Variants in POLR1C observed in about 807,000 individuals in gnomAD.
POLR1C encodes the protein DNA-directed RNA polymerases I and III subunit RPAC1.
A neutral mutation model predicts 38.3 loss-of-function variants in POLR1C; 42 were observed. The observed-to-expected ratio is 1.10, with a 90% confidence interval of 0.86 to 1.42. The LOEUF (loss-of-function observed/expected upper bound fraction) is 1.42, where lower values mean the gene tolerates loss of function less well. Among genes scored for constraint, POLR1C ranks in the 40% most tolerant of loss-of-function variants. POLR1C has a pLI of 0.00. For synonymous variants in POLR1C, 163 were observed against 163.9 expected (o/e 0.99, Z 0.04); for missense variants, 507 against 450.5 (o/e 1.13, Z -1.14).
At chr6:43,548,123 C>T in intron 9 of POLR1C, 1 of 906,120 alleles carries the variant, frequency 1.1e-6, no homozygotes, top group Admixed American at 2.9e-5. Context: ...CAAAAGACTG[C>T]TTTTAGAGAA....
intron 5 of POLR1C, 34 bp downstream of exon 5, chr6:43,520,219 C>T: frequency 1.9e-6 from 3 of 1,614,048 alleles, no homozygotes; most frequent in Non-Finnish European, 2.5e-6. Context: ...GAGGCCCCAC[C>T]TGTGGGTAGC....
At chr6:43,518,258 A>G (rs1209922415) in intron 2 of POLR1C, among the ~76,000 whole-genome samples, 1 of 152,244 alleles carries the variant, frequency 6.6e-6, no homozygotes, top group Non-Finnish European at 1.5e-5. Context: ...GGTTGAAGAC[A>G]TGAACTAAGA....
intron 9 of POLR1C, among the ~76,000 whole-genome samples, chr6:43,548,960 A>C (rs775877579): frequency 3.9e-5 from 6 of 152,186 alleles, no homozygotes; most frequent in Non-Finnish European, 1.5e-5. Context: ...TAAACTTAGT[A>C]ATCTATATGG....
At position 43,520,092 on chromosome 6, in the gene POLR1C, A is replaced by G. The variant is rs545889680; in HGVS notation, c.409A>G (p.Thr137Ala). Residue 137 changes from threonine (T) to alanine (A), a missense_variant, in exon 5 of 9, where the codon ACT becomes GCT. By Grantham distance (58) the Thr-to-Ala change is moderately conservative. Coordinates refer to ENST00000642195, the MANE Select transcript of POLR1C (RefSeq NM_203290.4). ...QGDEEGTEIDTLQFRLQVRCT... is the reference protein window; with the variant it reads ...QGDEEGTEIDALQFRLQVRCT... ...AGATGAAGAAGGCACAGAGATAGAT[A>G]CTCTACAGTTTCGTCTCCAGGTCAG... The G allele has an allele frequency of 1.9e-5, 31 of 1,613,966 alleles. No homozygotes were observed. The highest frequency in any genetic ancestry group is 2.3e-5 in the Non-Finnish European group (27 of 1,180,024).
At chr6:43,560,327 C>T (rs779165461) in intron 10 of POLR1C, 8 of 1,574,750 alleles carry the variant, frequency 5.1e-6, no homozygotes, top group South Asian at 2.4e-5. Context: ...AAAAAGAAAA[C>T]GTCAAAGGAT....
intron 10 of POLR1C, among the ~76,000 whole-genome samples, chr6:43,557,513 G>A (rs1483958939): frequency 6.6e-6 from 1 of 152,074 alleles, no homozygotes; most frequent in Non-Finnish European, 1.5e-5. Context: ...AGTCACAATA[G>A]ACCATGTATG....
At position 43,519,447 on chromosome 6, in the gene POLR1C, G is replaced by C; in HGVS notation, c.249+7G>C. 1.3e-6 allele frequency: 2 copies of C among 1,597,190 alleles called. No homozygotes were observed. Among genetic ancestry groups the C allele is most frequent in the Non-Finnish European group, 1.7e-6 (2 of 1,164,564 alleles). ...ACGAATTCTGCTAGCTGAGGTATTGGCAGGCATGGTGACAAGGCTGGAGTT... is the reference window on the plus strand; with the variant it reads ...ACGAATTCTGCTAGCTGAGGTATTGCCAGGCATGGTGACAAGGCTGGAGTT... On this transcript the variant is annotated splice_region_variant and intron_variant, in intron 3 of 8. Transcript: ENST00000642195.
intron 10 of POLR1C, chr6:43,555,941 C>T: frequency 6.2e-7 from 1 of 1,613,926 alleles, no homozygotes; most frequent in Non-Finnish European, 8.5e-7. Context: ...AACCTCATCA[C>T]CTCTCCTTGT....
chr6:43,528,036 G>C (rs761624776), intron 8 of POLR1C: 2 of 1,029,834 alleles, frequency 1.9e-6, no homozygotes, highest in Non-Finnish European at 2.9e-6. Context: ...CACCTAGGCT[G>C]AGAATGACTA....
At position 43,521,453 on chromosome 6, in the gene POLR1C, A is replaced by C; in HGVS notation, c.*153A>C. The C allele has an allele frequency of 5.3e-6, 8 of 1,503,624 alleles. No individual in the cohort carries two copies. The highest frequency in any genetic ancestry group is 7.1e-6 in the Non-Finnish European group (8 of 1,127,544). The allele number at this position is 1,503,624 out of a possible 1,614,324, so 93.1% of individuals were successfully genotyped here. Reference sequence around the variant, plus strand: ...TACATTTTGTTAAATGTGCCATAAAATGAGACTTTTTACGCCTTTATAAGG... The same window carrying C: ...TACATTTTGTTAAATGTGCCATAAACTGAGACTTTTTACGCCTTTATAAGG... On this transcript the variant is annotated 3_prime_UTR_variant, in exon 9 of 9. Transcript: ENST00000642195.
In POLR1C at chr6:43,562,236, C is replaced by G. The variant is rs757412553; in HGVS notation, c.*885C>G. 1.9e-6 allele frequency: 3 copies of G among 1,596,966 alleles called. No individual in the cohort carries two copies. The South Asian group carries it at 3.4e-5, about 18-fold the overall frequency. The stretch of plus-strand genomic sequence containing the variant: ...GGCTTGAAGCTCTCCAGAAAGCAAA[C>G]ACTAGCTCACCAGCAATGCACACAG... On this transcript the variant is annotated 3_prime_UTR_variant, in exon 11 of 11. Transcript: ENST00000607635.
exon 11 of POLR1C, chr6:43,562,384 A>G (rs750347255): frequency 1.4e-6 from 2 of 1,444,418 alleles, no homozygotes; most frequent in East Asian, 4.8e-5. Flanking sequence ...CAACAAAATT[A>G]AAAAGGCTGT....
intron 10 of POLR1C, chr6:43,553,737 T>A (rs1761853984): frequency 1.3e-6 from 1 of 774,596 alleles, no homozygotes; most frequent in Admixed American, 3.9e-5. Context: ...CCTCTAACAA[T>A]GAGCGGTCTG....
At chr6:43,524,399 C>CTGGTTTA, downstream of POLR1C, 5 of 1,515,902 alleles carry the variant, frequency 3.3e-6, no homozygotes, top group Non-Finnish European at 4.4e-6. Flanking sequence ...ATAACTACAG[C>CTGGTTTA]TGGTTTATGG....
chr6:43,538,189 G>A (rs1218341173), intron 9 of POLR1C, among the ~76,000 whole-genome samples: 4 of 110,976 alleles, frequency 3.6e-5, no homozygotes, highest in East Asian at 3.0e-4. Flanking sequence ...TTGCTCTGTC[G>A]CTCAGGCTGG....
Position 43,551,440 on chromosome 6 carries a change from T to C in POLR1C, c.*48+429T>C, listed in dbSNP as rs754732801. On this transcript the variant is annotated intron_variant, in intron 10 of 10. Coordinates refer to the POLR1C transcript ENST00000607635. ...CATCTGCAATAGCTCTATTCCATCA[T>C]TAACAGGAATTTCCTGTAACAAAGA... 6.2e-7 allele frequency: 1 copy of C among 1,612,420 alleles called. No individual in the cohort carries two copies. The highest frequency in any genetic ancestry group is 8.5e-7 in the Non-Finnish European group (1 of 1,179,490).
At chr6:43,548,014 T>A (rs1795047643) in intron 9 of POLR1C, among the ~76,000 whole-genome samples, 1 of 152,246 alleles carries the variant, frequency 6.6e-6, no homozygotes, top group Non-Finnish European at 1.5e-5. Flanking sequence ...CTAGCTGTTC[T>A]CATTTTTCTA....
At chr6:43,562,399 A>G in exon 11 of POLR1C, 6 of 1,293,068 alleles carry the variant, frequency 4.6e-6, no homozygotes, top group Non-Finnish European at 6.6e-6. Flanking sequence ...GGCTGTAATA[A>G]AAACATCACT....
intron 10 of POLR1C, among the ~76,000 whole-genome samples, chr6:43,557,402 G>C (rs994442959): frequency 2.0e-5 from 3 of 152,050 alleles, no homozygotes; most frequent in Non-Finnish European, 4.4e-5. Context: ...CTCCAGCCTG[G>C]GCGACAGAGC....
Sources: gnomAD v4.1 joint callset for allele counts (sites outside exome capture counted in the v4.1 genomes callset) on GRCh38, gnomAD v4.1.1 for gene constraint, MANE v1.5 for transcripts, NCBI Gene and HGNC (gene_info 2026-07-23, HGNC 2026-07-21) for gene names.